The following TMC1 variants were observed in gnomAD, a reference collection of about 807,000 sequenced individuals.
The protein encoded by TMC1 is transmembrane channel like 1.
A neutral mutation model predicts 105.8 loss-of-function variants in TMC1; 84 were observed. The ratio of observed to expected loss-of-function variants is 0.79; its 90% confidence interval spans 0.67 to 0.95. TMC1 has a LOEUF of 0.95. Among genes scored for constraint, TMC1 ranks in the 40% least tolerant of loss-of-function variants. TMC1 has a pLI of 0.00. For missense variants in TMC1, 817 were observed against 914.1 expected, an observed-to-expected ratio of 0.89 and a Z score of 1.37; for synonymous variants, 315 against 311.5, an observed-to-expected ratio of 1.01 and a Z score of -0.12.
chr9:72,701,977 T>C (rs1259317779), intron 8 of TMC1, among the ~76,000 whole-genome samples: 4 of 152,202 alleles, frequency 2.6e-5, no homozygotes, highest in Non-Finnish European at 4.4e-5. Context: ...TCCACAGAGC[T>C]ACAAATTTTG....
At chr9:72,565,488 G>A (rs1824134100) in intron 1 of TMC1, among the ~76,000 whole-genome samples, 1 of 152,176 alleles carries the variant, frequency 6.6e-6, no homozygotes, top group Non-Finnish European at 1.5e-5. Flanking sequence ...TGCAAATTAT[G>A]AGGCAGTTAG....
At position 72,535,035 on chromosome 9, in the gene TMC1, T is replaced by C. The variant is rs988753201; in HGVS notation, c.-428+13122T>C. 2.8e-5 allele frequency among the ~76,000 whole-genome samples: 3 copies of C among 105,548 alleles called. No individual in the cohort carries two copies. The South Asian group carries it at 1.1e-3, about 37-fold the overall frequency. The allele number at this position is 105,548 out of a possible 152,430, so 69.2% of individuals were successfully genotyped here. ...TTCTTACACAAAGGCAGTCGATTCA[T>C]GGATCTCTTAGAGAGAGAGAAAAAA... On this transcript the variant is annotated intron_variant, in intron 1 of 23. Coordinates refer to ENST00000297784, the MANE Select transcript of TMC1 (RefSeq NM_138691.3).
At chr9:72,601,359 A>G (rs1412794635) in intron 2 of TMC1, among the ~76,000 whole-genome samples, 4 of 151,582 alleles carry the variant, frequency 2.6e-5, no homozygotes, top group Non-Finnish European at 5.9e-5. Flanking sequence ...TATTTGAAAA[A>G]TTGGCCAGGT....
At chr9:72,797,700 C>G (rs1403787635) in intron 17 of TMC1, among the ~76,000 whole-genome samples, 1 of 152,084 alleles carries the variant, frequency 6.6e-6, no homozygotes, top group Non-Finnish European at 1.5e-5. Flanking sequence ...TTCTTTACAC[C>G]ATGTATAAAA....
intron 10 of TMC1, among the ~76,000 whole-genome samples, chr9:72,749,160 G>T (rs531389927): frequency 2.1e-4 from 32 of 152,282 alleles, no homozygotes; most frequent in African/African-American, 7.7e-4. Context: ...TACCCTACAC[G>T]CAAGAAATTC....
At chr9:72,797,333 C>T (rs1001661900) in intron 17 of TMC1, among the ~76,000 whole-genome samples, 1 of 152,116 alleles carries the variant, frequency 6.6e-6, no homozygotes, top group African/African-American at 2.4e-5. Flanking sequence ...CATTAAACCA[C>T]AACTGAAATT....
chr9:72,618,022 C>CT (rs34497983), intron 3 of TMC1, among the ~76,000 whole-genome samples: 3,365 of 79,196 alleles, frequency 0.042, 355 homozygotes, highest in Non-Finnish European at 0.052. Context: ...CTGGGTACAT[C>CT]TTTTTTTTTT....
At chr9:72,659,532 G>C (rs1825938006) in intron 5 of TMC1, among the ~76,000 whole-genome samples, 2 of 152,168 alleles carry the variant, frequency 1.3e-5, no homozygotes, top group South Asian at 4.1e-4. Context: ...TACTGGGGTG[G>C]GTGAGGCATG....
chr9:72,689,742 G>T (rs562917565), intron 6 of TMC1, among the ~76,000 whole-genome samples: 2 of 152,000 alleles, frequency 1.3e-5, no homozygotes, highest in Non-Finnish European at 1.5e-5. Context: ...TATTTTGTCC[G>T]ATGTAAGTAT....
At chr9:72,789,047 G>A in intron 14 of TMC1, 76 bp from the exon 15 acceptor site, 1 of 1,431,978 alleles carries the variant, frequency 7.0e-7, no homozygotes, top group Admixed American at 1.7e-5. Context: ...AACTTTTGAG[G>A]TTTTGATACT....
intron 1 of TMC1, 76 bp from the exon 2 acceptor site, chr9:72,577,825 TG>T (rs1379088905): frequency 6.6e-6 from 1 of 152,206 alleles, no homozygotes; most frequent in Non-Finnish European, 1.5e-5. Flanking sequence ...TGCTGTGTTT[TG>T]GGCTCTGCCT....
At position 72,666,258 on chromosome 9, in the gene TMC1, T is replaced by TA. The variant is rs35725345; in HGVS notation, c.16+17607dup. ...TAACAAGACCTTGTCCTGTCTCTAT[T>TA]AAAAAAAAAAAAAGGAAGGAAAGGG... On this transcript the variant is annotated intron_variant, in intron 5 of 23. Transcript: ENST00000297784. Among the ~76,000 whole-genome samples the TA allele has an allele frequency of 6.3e-3, 871 of 138,626 alleles. 4 individuals carry two copies. The highest frequency in any genetic ancestry group is 0.018 in the African/African-American group (666 of 37,642). 90.9% of individuals were successfully genotyped at this position (138,626 alleles called of 152,430 possible).
At chr9:72,722,459 G>A (rs371875686) in intron 8 of TMC1, among the ~76,000 whole-genome samples, 7 of 152,038 alleles carry the variant, frequency 4.6e-5, no homozygotes, top group Middle Eastern at 3.4e-3. Context: ...CTCTGCCAAC[G>A]CCCATAGAAA....
At position 72,830,687 on chromosome 9, in the gene TMC1, G is replaced by A. The variant is rs200734497; in HGVS notation, c.2260+5G>A. 200 of 1,610,158 alleles carry A rather than the reference G, an allele frequency of 1.2e-4. No individual in the cohort carries two copies. The Middle Eastern group carries it at 1.7e-3, about 13-fold the overall frequency. Reference sequence around the variant, plus strand: ...AAATGGCAGCTGCACGAGCAGGTTGGAGATACGTTTATGTTTGTAATGTTT... The same window carrying A: ...AAATGGCAGCTGCACGAGCAGGTTGAAGATACGTTTATGTTTGTAATGTTT... On this transcript the variant is annotated splice_donor_5th_base_variant and intron_variant, in intron 23 of 23. Coordinates refer to ENST00000297784, the MANE Select transcript of TMC1 (RefSeq NM_138691.3).
At chr9:72,723,961 C>T (rs1397536573) in intron 8 of TMC1, among the ~76,000 whole-genome samples, 1 of 152,134 alleles carries the variant, frequency 6.6e-6, no homozygotes, top group Non-Finnish European at 1.5e-5. Flanking sequence ...ACTCTCATAA[C>T]TGCCTCAAAA....
chr9:72,826,727 G>T, intron 20 of TMC1, 142 bp from the exon 21 acceptor site: 1 of 840,226 alleles, frequency 1.2e-6, no homozygotes, highest in Non-Finnish European at 2.0e-6. Flanking sequence ...CAAAGTGTCA[G>T]CAAGTTGTAG....
chr9:72,614,523 A>G (rs1397402846), intron 2 of TMC1, among the ~76,000 whole-genome samples: 1 of 152,186 alleles, frequency 6.6e-6, no homozygotes, highest in East Asian at 1.9e-4. Flanking sequence ...CAGTGGAAGA[A>G]ATGCTGCTTA....
intron 8 of TMC1, among the ~76,000 whole-genome samples, chr9:72,706,531 G>C (rs1826741869): frequency 6.6e-6 from 1 of 152,078 alleles, no homozygotes; most frequent in Admixed American, 6.6e-5. Context: ...CACCTGAGCA[G>C]TATACACTGA....
intron 17 of TMC1, among the ~76,000 whole-genome samples, chr9:72,803,575 C>A (rs1038267853): frequency 6.6e-6 from 1 of 152,114 alleles, no homozygotes; most frequent in African/African-American, 2.4e-5. Context: ...GGGTGAAGGA[C>A]ATGAACAGAC....
Sources: allele counts gnomAD v4.1 joint callset (sites outside exome capture counted in the v4.1 genomes callset), GRCh38; gene constraint gnomAD v4.1.1; transcripts MANE v1.5; gene names NCBI Gene and HGNC (gene_info 2026-07-23, HGNC 2026-07-21).